The following SEC14L5 variants were observed in gnomAD, a reference collection of about 807,000 sequenced individuals.
SEC14L5 encodes the protein SEC14 like lipid binding 5.
Under a neutral mutation model 84.6 loss-of-function variants are expected in SEC14L5, and 96 were observed. That is an observed-to-expected ratio of 1.13 (90% CI 0.96 to 1.34). SEC14L5 has a LOEUF of 1.34. Ranked by LOEUF, SEC14L5 falls within the 40% of genes most tolerant of loss-of-function variation. The pLI is 0.00. For missense variants in SEC14L5, 1,224 were observed against 942.5 expected, an observed-to-expected ratio of 1.30 and a Z score of -3.91; for synonymous variants, 546 against 383.4, an observed-to-expected ratio of 1.42 and a Z score of -4.95.
intron 2 of SEC14L5, among the ~76,000 whole-genome samples, chr16:4,986,497 T>G (rs2908687): frequency 0.1 from 15,532 of 152,278 alleles, 1,057 homozygotes; most frequent in Non-Finnish European, 0.15. Context: ...TTTGCTCTTT[T>G]TCGATTGCTT....
At chr16:4,959,664 A>C (rs947086042) in intron 2 of SEC14L5, among the ~76,000 whole-genome samples, 1 of 152,176 alleles carries the variant, frequency 6.6e-6, no homozygotes, top group African/African-American at 2.4e-5. Flanking sequence ...CAAAGGTATC[A>C]GGGGCCAAGC....
chr16:4,981,760 T>C (rs1283273283), intron 2 of SEC14L5, among the ~76,000 whole-genome samples: 1 of 152,092 alleles, frequency 6.6e-6, no homozygotes, highest in Non-Finnish European at 1.5e-5. Flanking sequence ...GGCAAGTACA[T>C]GAGACATATA....
intron 11 of SEC14L5, 51 bp downstream of exon 11, chr16:5,003,624 G>GGGGCCCCC: frequency 3.3e-6 from 1 of 305,308 alleles, no homozygotes; most frequent in East Asian, 1.0e-4. Context: ...GGTGGGATGG[G>GGGGCCCCC]AGGGGTTCCG....
chr16:5,016,408 G>A lies in SEC14L5; in HGVS notation c.*1438G>A, dbSNP rs1177556283. The stretch of plus-strand genomic sequence containing the variant: ...ATTGAGGCATTTCGCATCGAAATCA[G>A]GATTTCTGGCTTCCCTTAGGCATTT... On this transcript the variant is annotated 3_prime_UTR_variant, in exon 16 of 16. Coordinates refer to ENST00000251170, the MANE Select transcript of SEC14L5 (RefSeq NM_014692.2). 1 of 152,214 alleles carries A rather than the reference G, an allele frequency of 6.6e-6. No individual in the cohort carries two copies. Among genetic ancestry groups the A allele is most frequent in the African/African-American group, 2.4e-5 (1 of 41,440 alleles). 9.4% of individuals were successfully genotyped at this position (152,214 alleles called of 1,614,324 possible).
chr16:4,999,139 C>T (rs112980050), intron 8 of SEC14L5, among the ~76,000 whole-genome samples: 1 of 152,198 alleles, frequency 6.6e-6, no homozygotes, highest in Non-Finnish European at 1.5e-5. Context: ...TAAAATGCCT[C>T]TTCGTGTAGT....
intron 6 of SEC14L5, among the ~76,000 whole-genome samples, chr16:4,994,313 G>T (rs1955584087): frequency 6.6e-6 from 1 of 152,062 alleles, no homozygotes; most frequent in Non-Finnish European, 1.5e-5. Context: ...TACATCTGGG[G>T]CTCTGTTTAG....
At chr16:4,999,326 C>T (rs568740222) in intron 8 of SEC14L5, among the ~76,000 whole-genome samples, 19 of 152,298 alleles carry the variant, frequency 1.2e-4, no homozygotes, top group Admixed American at 4.6e-4. Context: ...AAACACAAGC[C>T]GGGCGCAGTG....
intron 2 of SEC14L5, among the ~76,000 whole-genome samples, chr16:4,962,839 A>G (rs1955143092): frequency 6.6e-6 from 1 of 152,174 alleles, no homozygotes; most frequent in Non-Finnish European, 1.5e-5. Flanking sequence ...CACTGCCAAC[A>G]AAGCCACTTT....
Position 5,006,027 on chromosome 16 carries a change from C to T in SEC14L5, c.1416C>T (p.Asp472=), listed in dbSNP as rs1955728187. 2 of 1,613,790 alleles carry T rather than the reference C, an allele frequency of 1.2e-6. No homozygotes were observed. The highest frequency in any genetic ancestry group is 1.7e-5 in the Admixed American group (1 of 59,990). The change falls in exon 12 of 16, where the codon GAC becomes GAT. Residue 472 remains aspartate, a synonymous_variant. Coordinates refer to ENST00000251170, the MANE Select transcript of SEC14L5 (RefSeq NM_014692.2). ...VDYLDREVIP[D]FLGGESVCNV... The stretch of plus-strand genomic sequence containing the variant: ...ATCTGGATAGAGAAGTGATCCCTGA[C>T]TTCCTTGGGGGAGAGAGTGTGGTGA...
chr16:4,973,895 G>C (rs917889508), intron 2 of SEC14L5, among the ~76,000 whole-genome samples: 1 of 152,048 alleles, frequency 6.6e-6, no homozygotes, highest in South Asian at 2.1e-4. Context: ...TGTTGACCAG[G>C]CTGGTCTTGA....
At chr16:4,976,991 C>T (rs990157690) in intron 2 of SEC14L5, among the ~76,000 whole-genome samples, 1 of 152,146 alleles carries the variant, frequency 6.6e-6, no homozygotes, top group Non-Finnish European at 1.5e-5. Context: ...GCTGTTTGAT[C>T]CCGTAGGACC....
chr16:4,968,231 G>A (rs1955231366), intron 2 of SEC14L5, among the ~76,000 whole-genome samples: 1 of 151,336 alleles, frequency 6.6e-6, no homozygotes, highest in African/African-American at 2.4e-5. Context: ...CCAGGCTGGA[G>A]TGCAGTGGCG....
At chr16:5,004,064 C>T (rs916294269) in intron 11 of SEC14L5, among the ~76,000 whole-genome samples, 2 of 152,234 alleles carry the variant, frequency 1.3e-5, no homozygotes, top group African/African-American at 2.4e-5. Context: ...GGGCAAAAGC[C>T]TGGAGGCTGG....
chr16:4,958,882 C>T (rs11643169), intron 1 of SEC14L5, among the ~76,000 whole-genome samples: 87,753 of 151,788 alleles, frequency 0.58, 26,314 homozygotes, highest in East Asian at 0.79. Flanking sequence ...CAAGGAGACT[C>T]GGGGGTGGGC....
chr16:5,007,179 C>A (rs559609068), intron 12 of SEC14L5, among the ~76,000 whole-genome samples, 173 bp from the exon 13 acceptor site: 1 of 152,180 alleles, frequency 6.6e-6, no homozygotes, highest in Non-Finnish European at 1.5e-5. Flanking sequence ...GAATAATAGT[C>A]TCTACTGCAT....
In SEC14L5 at chr16:4,972,732, A is replaced by C. The variant is rs569453633; in HGVS notation, c.63+13346A>C. ...TCCATCACCTTTCATTTATCTGTTC[A>C]TCTGTTGATGGACACGTGGGTGTTT... On this transcript the variant is annotated intron_variant, in intron 2 of 15. Coordinates refer to ENST00000251170, the MANE Select transcript of SEC14L5 (RefSeq NM_014692.2). Among the ~76,000 whole-genome samples, 8 of 151,948 alleles carry C rather than the reference A, an allele frequency of 5.3e-5. No homozygotes were observed. The South Asian group carries it at 1.7e-3, about 31-fold the overall frequency.
At chr16:4,999,686 G>A (rs926497394) in intron 8 of SEC14L5, among the ~76,000 whole-genome samples, 4 of 151,830 alleles carry the variant, frequency 2.6e-5, no homozygotes, top group Non-Finnish European at 5.9e-5. Context: ...AGGCCGAGGC[G>A]GCAGATCACT....
chr16:4,982,710 G>T (rs1245122365), intron 2 of SEC14L5, among the ~76,000 whole-genome samples: 1 of 152,168 alleles, frequency 6.6e-6, no homozygotes, highest in Non-Finnish European at 1.5e-5. Flanking sequence ...AAATAATCCT[G>T]GCCATCCCTT....
chr16:4,976,371 A>G (rs1955339894), intron 2 of SEC14L5, among the ~76,000 whole-genome samples: 1 of 152,150 alleles, frequency 6.6e-6, no homozygotes, highest in African/African-American at 2.4e-5. Flanking sequence ...CATCCTGTAA[A>G]TGTCTATTGA....
Sources: allele counts gnomAD v4.1 joint callset (sites outside exome capture counted in the v4.1 genomes callset), GRCh38; gene constraint gnomAD v4.1.1; transcripts MANE v1.5; gene names NCBI Gene and HGNC (gene_info 2026-07-23, HGNC 2026-07-21).